RIMS2: variants seen among roughly 807,000 people sequenced by gnomAD.
RIMS2 encodes the protein regulating synaptic membrane exocytosis protein 2.
In RIMS2, 59 loss-of-function variants were observed where a neutral mutation model predicts 174.4. That is an observed-to-expected ratio of 0.34 (90% CI 0.27 to 0.42). The LOEUF is 0.42. RIMS2 is among the 10% of genes least tolerant of loss of function. The pLI is 1.00. For missense variants in RIMS2, 1,620 were observed against 1,666.3 expected (o/e 0.97, Z 0.48); for synonymous variants, 606 against 572.5 (o/e 1.06, Z -0.84).
intron 3 of RIMS2, among the ~76,000 whole-genome samples, chr8:103,786,778 C>G (rs2098447741): frequency 6.6e-6 from 1 of 152,160 alleles, no homozygotes; most frequent in Non-Finnish European, 1.5e-5. Flanking sequence ...CTGTAGATGT[C>G]TATTAAGTCC....
At chr8:103,909,862 A>G (rs2075296749) in intron 4 of RIMS2, among the ~76,000 whole-genome samples, 1 of 151,798 alleles carries the variant, frequency 6.6e-6, no homozygotes, top group South Asian at 2.1e-4. Flanking sequence ...ATTTCTGTTT[A>G]TTATTAGCTT....
At chr8:103,856,235 G>A (rs1203881343) in intron 3 of RIMS2, among the ~76,000 whole-genome samples, 2 of 152,112 alleles carry the variant, frequency 1.3e-5, no homozygotes, top group African/African-American at 2.4e-5. Flanking sequence ...TTTCCATTTG[G>A]GTGGTAAATC....
intron 19 of RIMS2, among the ~76,000 whole-genome samples, chr8:104,208,567 CA>C (rs1159339611): frequency 4.9e-5 from 5 of 101,136 alleles, no homozygotes; most frequent in African/African-American, 1.5e-4. Flanking sequence ...GACTCCATCT[CA>C]AAAAAAAAGA....
At chr8:103,769,713 C>T (rs963790026) in intron 3 of RIMS2, among the ~76,000 whole-genome samples, 1 of 152,160 alleles carries the variant, frequency 6.6e-6, no homozygotes, top group Non-Finnish European at 1.5e-5. Context: ...CAAGTACTGG[C>T]CTGAATAAAC....
chr8:103,802,512 G>A (rs1314199389), intron 3 of RIMS2, among the ~76,000 whole-genome samples: 1 of 152,148 alleles, frequency 6.6e-6, no homozygotes, highest in Admixed American at 6.5e-5. Flanking sequence ...TAATGGATAA[G>A]GACTACAAAA....
Position 104,155,103 on chromosome 8 carries a change from T to TTTTTG in RIMS2, c.3335-89798_3335-89794dup, listed in dbSNP as rs1156914407. Among the ~76,000 whole-genome samples, 5 of 152,058 alleles carry TTTTTG rather than the reference T, an allele frequency of 3.3e-5. No homozygotes were observed. In the South Asian group the frequency reaches 1.0e-3, roughly 32 times the overall value. On this transcript the variant is annotated intron_variant, in intron 19 of 23. Coordinates refer to ENST00000504942, the Ensembl canonical transcript of RIMS2. ...TGTTAGTTTTTTTTGTTTTTTGTTG[T>TTTTTG]TTTTGTTTTGTTTTGTTTTTTGAGA... is the stretch of plus-strand genomic sequence containing the variant.
exon 5 of RIMS2, chr8:103,910,193 A>G (rs566383255): frequency 5.0e-6 from 8 of 1,608,026 alleles, no homozygotes; most frequent in Admixed American, 3.4e-5. Flanking sequence ...GGCATCCCCA[A>G]TGTCTTTGGT....
intron 19 of RIMS2, among the ~76,000 whole-genome samples, chr8:104,121,889 A>G (rs2132371557): frequency 6.6e-6 from 1 of 152,354 alleles, no homozygotes; most frequent in South Asian, 2.1e-4. Context: ...TGAATCCGGA[A>G]GGCGGAGGTT....
chr8:103,717,210 T>C (rs1021828440), intron 2 of RIMS2, among the ~76,000 whole-genome samples: 2 of 147,490 alleles, frequency 1.4e-5, no homozygotes, highest in African/African-American at 5.0e-5. Context: ...AGTTACTCAG[T>C]TGGGGATGAT....
At chr8:104,150,725 T>G (rs10505056) in intron 19 of RIMS2, among the ~76,000 whole-genome samples, 3 of 151,994 alleles carry the variant, frequency 2.0e-5, no homozygotes, top group Non-Finnish European at 4.4e-5. Flanking sequence ...ATGAGGCTAG[T>G]AGATAAATAG....
chr8:103,530,738 T>C (rs908849048), intron 1 of RIMS2, among the ~76,000 whole-genome samples: 4 of 151,978 alleles, frequency 2.6e-5, no homozygotes, highest in African/African-American at 9.7e-5. Context: ...TTATGCATAA[T>C]AATATAGGCT....
intron 1 of RIMS2, among the ~76,000 whole-genome samples, chr8:103,679,118 C>CT (rs1313906586): frequency 6.6e-6 from 1 of 151,932 alleles, no homozygotes; most frequent in Non-Finnish European, 1.5e-5. Context: ...GAGGCAAACC[C>CT]TTTTTACCAG....
At chr8:103,880,689 G>T in intron 3 of RIMS2, 1 of 522,100 alleles carries the variant, frequency 1.9e-6, no homozygotes, top group East Asian at 3.1e-5. Flanking sequence ...GTTGAACAAA[G>T]GTAAAATAAT....
chr8:104,134,929 A>G (rs2098505652), intron 19 of RIMS2, among the ~76,000 whole-genome samples: 1 of 152,160 alleles, frequency 6.6e-6, no homozygotes, highest in Non-Finnish European at 1.5e-5. Context: ...TTTCAAATGG[A>G]TGTCTTATTC....
chr8:103,656,437 C>T (rs76066278), intron 1 of RIMS2, among the ~76,000 whole-genome samples: 4,720 of 152,062 alleles, frequency 0.031, 217 homozygotes, highest in African/African-American at 0.11. Flanking sequence ...AAAGAGCAGA[C>T]ACAAAGATTG....
At chr8:103,649,556 C>T (rs372742796) in intron 1 of RIMS2, among the ~76,000 whole-genome samples, 1 of 151,954 alleles carries the variant, frequency 6.6e-6, no homozygotes, top group East Asian at 1.9e-4. Flanking sequence ...GTTCCATTCT[C>T]CCCATCTCTT....
At chr8:103,555,926 A>G (rs1850253463) in intron 1 of RIMS2, among the ~76,000 whole-genome samples, 1 of 152,338 alleles carries the variant, frequency 6.6e-6, no homozygotes, top group East Asian at 1.9e-4. Context: ...GTTAAGTGAA[A>G]TAAACTATGG....
chr8:104,247,305 C>T (rs2099340124), intron 20 of RIMS2, among the ~76,000 whole-genome samples: 1 of 152,194 alleles, frequency 6.6e-6, no homozygotes, highest in South Asian at 2.1e-4. Context: ...ATCAAGGTGT[C>T]TGCAGGTTTG....
At chr8:104,217,254 A>G (rs558100017) in intron 19 of RIMS2, among the ~76,000 whole-genome samples, 20 of 140,428 alleles carry the variant, frequency 1.4e-4, no homozygotes, top group African/African-American at 4.0e-4. Context: ...TCATACTGTG[A>G]ATATCTTGTT....
Sources: gnomAD v4.1 joint callset for allele counts (sites outside exome capture counted in the v4.1 genomes callset) on GRCh38, gnomAD v4.1.1 for gene constraint, MANE v1.5 for transcripts, NCBI Gene and HGNC (gene_info 2026-07-23, HGNC 2026-07-21) for gene names.